SNX29: variants seen among roughly 807,000 people sequenced by gnomAD.
SNX29 encodes sorting nexin-29.
SNX29 carries 78 observed loss-of-function variants against 102.1 expected under a neutral mutation model. That is an observed-to-expected ratio of 0.76 (90% CI 0.64 to 0.92). SNX29 has a LOEUF of 0.92. Among genes scored for constraint, SNX29 ranks in the 40% least tolerant of loss-of-function variants. The pLI is 0.00. For missense variants in SNX29, 1,280 were observed against 1,061.7 expected (o/e 1.21, Z -2.86); for synonymous variants, 580 against 414.5 (o/e 1.40, Z -4.85).
At chr16:12,487,119 G>A (rs1347342960) in intron 19 of SNX29, among the ~76,000 whole-genome samples, 1 of 152,184 alleles carries the variant, frequency 6.6e-6, no homozygotes, top group African/African-American at 2.4e-5. Context: ...TGTTTATGAG[G>A]ATTGAAGGTG....
At chr16:12,529,273 C>T (rs879412666) in intron 20 of SNX29, among the ~76,000 whole-genome samples, 1 of 152,190 alleles carries the variant, frequency 6.6e-6, no homozygotes, top group Non-Finnish European at 1.5e-5. Flanking sequence ...CAGATGAGTG[C>T]CAGCCTCCCA....
intron 20 of SNX29, among the ~76,000 whole-genome samples, chr16:12,544,299 A>G (rs531625641): frequency 2.0e-5 from 3 of 152,350 alleles, no homozygotes; most frequent in South Asian, 2.1e-4. Context: ...CATCCAGGCC[A>G]CAGGGGAAGG....
At chr16:12,302,360 TATTG>T (rs1313428508) in intron 15 of SNX29, among the ~76,000 whole-genome samples, 1 of 152,270 alleles carries the variant, frequency 6.6e-6, no homozygotes, top group Non-Finnish European at 1.5e-5. Flanking sequence ...TGTTTATCAT[TATTG>T]ATTGTGTTAT....
At chr16:12,445,939 G>A (rs186748553) in intron 18 of SNX29, among the ~76,000 whole-genome samples, 2 of 152,272 alleles carry the variant, frequency 1.3e-5, no homozygotes, top group South Asian at 2.1e-4. Flanking sequence ...GTGTGAAAAG[G>A]GAGTGCATTC....
chr16:12,515,127 G>A (rs558330042), intron 19 of SNX29, among the ~76,000 whole-genome samples: 1 of 152,206 alleles, frequency 6.6e-6, no homozygotes, highest in Non-Finnish European at 1.5e-5. Context: ...ATAGTCCTGT[G>A]GGAGGGCTCC....
rs1170949150 is a variant in SNX29, at chr16:12,492,158, T to C, written c.2178+14299T>C. On this transcript the variant is annotated intron_variant, in intron 19 of 20. Coordinates refer to ENST00000566228, the MANE Select transcript of SNX29 (RefSeq NM_032167.5). ...TACAGTCCCACCAACAGTGTAAAAG[T>C]GTTCCTGTTTCTCCACATCCTCGCC... Among the ~76,000 whole-genome samples, 3 of 152,184 alleles carry C rather than the reference T, an allele frequency of 2.0e-5. No individual in the cohort carries two copies. The South Asian group carries it at 6.2e-4, about 32-fold the overall frequency.
intron 14 of SNX29, among the ~76,000 whole-genome samples, chr16:12,268,663 C>A (rs1366894031): frequency 6.6e-6 from 1 of 152,136 alleles, no homozygotes; most frequent in Non-Finnish European, 1.5e-5. Flanking sequence ...CTGGGCATAC[C>A]TCATTTTATG....
chr16:12,539,613 G>C (rs1299835571), intron 20 of SNX29, among the ~76,000 whole-genome samples: 3 of 152,192 alleles, frequency 2.0e-5, no homozygotes, highest in African/African-American at 7.2e-5. Context: ...TAAGAGTTGA[G>C]GACTGGATCC....
chr16:12,129,866 A>C lies in SNX29; in HGVS notation c.1595+108A>C, dbSNP rs569245879. 31 of 1,350,988 alleles carry C rather than the reference A, an allele frequency of 2.3e-5. No homozygotes were observed. The African/African-American group carries it at 4.3e-4, about 19-fold the overall frequency. 83.7% of individuals were successfully genotyped at this position (1,350,988 alleles called of 1,614,324 possible). ...ATGCCTGTAATCCCAGCACTTTGGG[A>C]GGCCAAGGCGGGTGGATCATAAGGT... On this transcript the variant is annotated intron_variant, in intron 13 of 20. Transcript: ENST00000566228.
chr16:12,548,067 C>A (rs916098), intron 20 of SNX29, among the ~76,000 whole-genome samples: 40,264 of 151,898 alleles, frequency 0.27, 6,243 homozygotes, highest in East Asian at 0.53. Context: ...CACACACGGT[C>A]AGGCATGACA....
chr16:12,302,132 ACCTCTTTTGTAAAGG>A (rs2080192137), intron 15 of SNX29, among the ~76,000 whole-genome samples: 2 of 152,090 alleles, frequency 1.3e-5, no homozygotes, highest in South Asian at 4.2e-4. Context: ...AGATGGGAAA[ACCTCTTTTGTAAAGG>A]GCCAGAGGGT....
At chr16:12,129,926 A>G (rs1159856255) in intron 13 of SNX29, among the ~76,000 whole-genome samples, 168 bp downstream of exon 13, 1 of 151,822 alleles carries the variant, frequency 6.6e-6, no homozygotes, top group African/African-American at 2.4e-5. Context: ...AACACAGTGA[A>G]ACCCCGTCTC....
At chr16:12,206,215 C>G (rs975277967) in intron 14 of SNX29, among the ~76,000 whole-genome samples, 1 of 152,138 alleles carries the variant, frequency 6.6e-6, no homozygotes, top group Non-Finnish European at 1.5e-5. Flanking sequence ...TTTAATCTGT[C>G]TTAAGCCAAA....
At chr16:12,208,933 T>C (rs1252626457) in intron 14 of SNX29, among the ~76,000 whole-genome samples, 1 of 152,078 alleles carries the variant, frequency 6.6e-6, no homozygotes, top group East Asian at 1.9e-4. Context: ...ACCTTGGAAA[T>C]GTACTTAGCT....
intron 14 of SNX29, among the ~76,000 whole-genome samples, chr16:12,208,879 C>T (rs1446902515): frequency 2.6e-5 from 4 of 151,256 alleles, no homozygotes; most frequent in African/African-American, 7.3e-5. Flanking sequence ...ACTTGTTACT[C>T]GTTTATTTCT....
chr16:11,992,288 C>T (rs2055883320), intron 1 of SNX29, among the ~76,000 whole-genome samples: 1 of 151,944 alleles, frequency 6.6e-6, no homozygotes, highest in African/African-American at 2.4e-5. Context: ...AGCCAGACTC[C>T]ATCTCTTAAA....
chr16:12,298,459 A>G (rs902403481), intron 15 of SNX29, among the ~76,000 whole-genome samples: 2 of 152,214 alleles, frequency 1.3e-5, no homozygotes, highest in Admixed American at 6.5e-5. Context: ...GAACAAGTCT[A>G]TGATCATGAG....
intron 20 of SNX29, among the ~76,000 whole-genome samples, chr16:12,564,547 T>TGGCA (rs2078910406): frequency 6.6e-6 from 1 of 152,208 alleles, no homozygotes; most frequent in Non-Finnish European, 1.5e-5. Flanking sequence ...TTAAGGCCTT[T>TGGCA]GGCAACCCAT....
At chr16:12,245,853 G>C (rs185712947) in intron 14 of SNX29, among the ~76,000 whole-genome samples, 66 of 152,228 alleles carry the variant, frequency 4.3e-4, no homozygotes, top group Admixed American at 2.3e-3. Flanking sequence ...GCAGGAACTG[G>C]GTTGTTAGGA....
Sources: gnomAD v4.1 joint callset for allele counts (sites outside exome capture counted in the v4.1 genomes callset) on GRCh38, gnomAD v4.1.1 for gene constraint, MANE v1.5 for transcripts, NCBI Gene and HGNC (gene_info 2026-07-23, HGNC 2026-07-21) for gene names.